The following MUSK variants were observed in gnomAD, a reference collection of about 807,000 sequenced individuals.
MUSK encodes the protein muscle associated receptor tyrosine kinase.
Under a neutral mutation model 88.7 loss-of-function variants are expected in MUSK, and 55 were observed. The ratio of observed to expected loss-of-function variants is 0.62; its 90% CI spans 0.50 to 0.78. The LOEUF (loss-of-function observed/expected upper bound fraction) is 0.78. Ranked by LOEUF, MUSK falls within the 30% of genes least tolerant of loss-of-function variation. The pLI is 0.00. For synonymous variants in MUSK, 387 were observed against 391.9 expected (o/e 0.99, Z 0.15); for missense variants, 1,015 against 1,074.3 (o/e 0.94, Z 0.77).
intron 3 of MUSK, among the ~76,000 whole-genome samples, chr9:110,693,104 G>A (rs1370091805): frequency 6.6e-6 from 1 of 152,066 alleles, no homozygotes; most frequent in Non-Finnish European, 1.5e-5. Flanking sequence ...TAAGGAAGTT[G>A]GAATGCTCTC....
intron 5 of MUSK, among the ~76,000 whole-genome samples, chr9:110,721,642 A>G (rs2076811815): frequency 6.6e-6 from 1 of 152,208 alleles, no homozygotes; most frequent in African/African-American, 2.4e-5. Context: ...AGGTAGAATC[A>G]ATATTGTGAA....
chr9:110,755,933 C>CAT (rs1344701963), intron 7 of MUSK, among the ~76,000 whole-genome samples: 3,485 of 81,508 alleles, frequency 0.043, 146 homozygotes, highest in South Asian at 0.073. Flanking sequence ...TATATATATA[C>CAT]ATATATATAT....
chr9:110,686,497 C>T (rs146209087), intron 2 of MUSK, among the ~76,000 whole-genome samples: 2,806 of 152,220 alleles, frequency 0.018, 37 homozygotes, highest in Non-Finnish European at 0.026. Flanking sequence ...TGCTTCTCTT[C>T]CTATTTCTTT....
intron 7 of MUSK, among the ~76,000 whole-genome samples, chr9:110,755,741 T>C (rs1004495140): frequency 1.3e-5 from 2 of 151,818 alleles, no homozygotes; most frequent in African/African-American, 4.8e-5. Flanking sequence ...CCTTCTTCCC[T>C]TTCCTCCTGT....
In MUSK at chr9:110,785,704, G is replaced by A; in HGVS notation, c.1764G>A (p.Arg588=). 2 of 1,597,520 alleles carry A rather than the reference G, an allele frequency of 1.3e-6. No homozygotes were observed. Among genetic ancestry groups the A allele is most frequent in the South Asian group, 1.1e-5 (1 of 87,468 alleles). ...VRDIGEGAFG[R]VFQARAPGLL... The stretch of plus-strand genomic sequence containing the variant: ...ACATCGGAGAGGGAGCGTTTGGAAG[G>A]GTGTTTCAAGCAAGGTAAAGTTACC... Residue 588 remains arginine, a synonymous_variant, in exon 13 of 15, where the codon AGG becomes AGA. Transcript: ENST00000374448.
rs2077841802 is a variant in MUSK, at chr9:110,785,565, AG to A, written c.1626del (p.Glu542AspfsTer4). On this transcript the variant is annotated frameshift_variant, in exon 13 of 15. Coordinates refer to ENST00000374448, the MANE Select transcript of MUSK (RefSeq NM_005592.4). LOFTEE classifies it high-confidence loss of function. ...AAVTLTTLPSELLLDRLHPNP... is the reference protein window; with the variant it reads ...AAVTLTTLPSXLLLDRLHPNP... The stretch of plus-strand genomic sequence containing the variant: ...GTAACCCTCACCACACTGCCTTCTG[AG>A]CTCTTACTAGATAGACTTCATCCCA... 2.5e-6 allele frequency: 4 copies of A among 1,612,632 alleles called. No homozygotes were observed. The highest frequency in any genetic ancestry group is 3.4e-6 in the Non-Finnish European group (4 of 1,179,170).
chr9:110,790,846 C>G (rs542895215), intron 14 of MUSK, among the ~76,000 whole-genome samples: 57 of 152,276 alleles, frequency 3.7e-4, no homozygotes, highest in Middle Eastern at 3.4e-3. Flanking sequence ...TGAGACTGGT[C>G]AGCATGGTTG....
intron 6 of MUSK, among the ~76,000 whole-genome samples, chr9:110,742,616 C>T (rs751225394): frequency 7.9e-5 from 12 of 152,110 alleles, no homozygotes; most frequent in African/African-American, 1.2e-4. Flanking sequence ...AATGATTATT[C>T]TCTGTCGAAG....
At chr9:110,703,527 CT>C (rs887545773) in intron 5 of MUSK, among the ~76,000 whole-genome samples, 1 of 149,156 alleles carries the variant, frequency 6.7e-6, no homozygotes, top group Non-Finnish European at 1.5e-5. Context: ...GAGACTTTGT[CT>C]AAAAAAAAAA....
At chr9:110,706,249 C>A in intron 5 of MUSK, 1 of 355,790 alleles carries the variant, frequency 2.8e-6, no homozygotes. Flanking sequence ...TGCTTGAGAT[C>A]ATTTCATTTG....
At chr9:110,783,162 C>T (rs1182392474) in intron 11 of MUSK, among the ~76,000 whole-genome samples, 1 of 152,122 alleles carries the variant, frequency 6.6e-6, no homozygotes, top group Non-Finnish European at 1.5e-5. Flanking sequence ...AATCATTATT[C>T]TCTGACTATG....
At chr9:110,771,132 C>T (rs1314932348) in intron 9 of MUSK, among the ~76,000 whole-genome samples, 2 of 150,810 alleles carry the variant, frequency 1.3e-5, no homozygotes, top group African/African-American at 4.9e-5. Flanking sequence ...TTTTCACCAC[C>T]CATAAATTTC....
chr9:110,703,540 TTAAA>T (rs1198287489), intron 5 of MUSK, among the ~76,000 whole-genome samples: 1 of 151,154 alleles, frequency 6.6e-6, no homozygotes, highest in Admixed American at 6.6e-5. Flanking sequence ...AAAAAAAAAA[TTAAA>T]TAAATAAATA....
chr9:110,786,863 C>T (rs73544131), intron 13 of MUSK, among the ~76,000 whole-genome samples: 4,353 of 152,182 alleles, frequency 0.029, 224 homozygotes, highest in African/African-American at 0.1. Context: ...ACTGGCACTT[C>T]GGCCTGGTGC....
Position 110,800,364 on chromosome 9 carries a change from C to G in MUSK, c.1986C>G (p.Asp662Glu). The change falls in exon 15 of 15, where the codon GAC becomes GAG. Residue 662 changes from aspartate to glutamate, a missense_variant. Coordinates refer to ENST00000374448, the MANE Select transcript of MUSK (RefSeq NM_005592.4). ...TCTTTGAATACATGGCCTATGGTGA[C>G]CTCAATGAGTTCCTCCGCAGCATGT... ...CLLFEYMAYGDLNEFLRSMSP... is the reference protein window; with the variant it reads ...CLLFEYMAYGELNEFLRSMSP... The G allele has an allele frequency of 6.2e-7, 1 of 1,613,742 alleles. No individual in the cohort carries two copies. The highest frequency in any genetic ancestry group is 8.5e-7 in the Non-Finnish European group (1 of 1,179,850).
intron 9 of MUSK, 77 bp from the exon 10 acceptor site, chr9:110,775,711 C>T: frequency 1.5e-6 from 2 of 1,371,180 alleles, no homozygotes; most frequent in Non-Finnish European, 2.1e-6. Context: ...CTTGAAAACA[C>T]AGAATTTAGG....
chr9:110,785,866 C>A, intron 13 of MUSK, 148 bp downstream of exon 13: 1 of 447,544 alleles, frequency 2.2e-6, no homozygotes, highest in Non-Finnish European at 3.9e-6. Flanking sequence ...TGATATAGTA[C>A]ATATATATGT....
In MUSK at chr9:110,668,968, G is replaced by A; in HGVS notation, c.64G>A (p.Glu22Lys). The A allele has an allele frequency of 6.2e-7, 1 of 1,613,662 alleles. No individual in the cohort carries two copies. Among genetic ancestry groups the A allele is most frequent in the Non-Finnish European group, 8.5e-7 (1 of 1,179,620 alleles). The change falls in exon 1 of 15, where the codon GAG becomes AAG. Residue 22 changes from glutamate (E) to lysine (K), a missense_variant. Physicochemically the swap from Glu to Lys is moderately conservative, Grantham distance 56 (BLOSUM62 1). Coordinates refer to ENST00000374448, the MANE Select transcript of MUSK (RefSeq NM_005592.4). ...TACTCTGGTTGCCTTCAGCGGAACTGAGAAACTTCCAAAAGGTTGGTTTGA... is the reference window on the plus strand; with the variant it reads ...TACTCTGGTTGCCTTCAGCGGAACTAAGAAACTTCCAAAAGGTTGGTTTGA... ...ILTLVAFSGT[E>K]KLPKAPVITT... is the part of the protein sequence containing the mutation.
chr9:110,736,968 C>G (rs1237512487), intron 6 of MUSK, among the ~76,000 whole-genome samples: 2 of 151,816 alleles, frequency 1.3e-5, no homozygotes, highest in Non-Finnish European at 2.9e-5. Context: ...TCTTTTATAT[C>G]TTAATTTATT....
Sources: gnomAD v4.1 joint callset for allele counts (sites outside exome capture counted in the v4.1 genomes callset) on GRCh38, gnomAD v4.1.1 for gene constraint, MANE v1.5 for transcripts, NCBI Gene and HGNC (gene_info 2026-07-23, HGNC 2026-07-21) for gene names.